BCL3: variants seen among roughly 807,000 people sequenced by gnomAD.
The protein encoded by BCL3 is B-cell lymphoma 3 protein.
Under a neutral mutation model 35.7 loss-of-function variants are expected in BCL3, and 15 were observed. That is an observed-to-expected ratio of 0.42 (90% CI 0.28 to 0.65). BCL3 has a LOEUF of 0.65. Ranked by LOEUF, BCL3 falls within the 30% of genes least tolerant of loss-of-function variation. The pLI, the probability that BCL3 is intolerant of heterozygous loss-of-function variation, is 0.22. For synonymous variants in BCL3, 311 were observed against 284.3 expected, an observed-to-expected ratio of 1.09 and a Z score of -0.95; for missense variants, 565 against 641.7, an observed-to-expected ratio of 0.88 and a Z score of 1.29.
intron 1 of BCL3, among the ~76,000 whole-genome samples, chr19:44,750,998 G>A (rs950919901): frequency 6.6e-5 from 10 of 152,128 alleles, no homozygotes; most frequent in Non-Finnish European, 1.3e-4. Context: ...CAGAAGATAA[G>A]TGACAATGAG....
chr19:44,758,182 A>G, intron 6 of BCL3, 64 bp from the exon 7 acceptor site: 1 of 1,396,868 alleles, frequency 7.2e-7, no homozygotes, highest in Non-Finnish European at 9.2e-7. Context: ...CCGGGCCTCC[A>G]GCCTCTGTTC....
intron 8 of BCL3, among the ~76,000 whole-genome samples, 194 bp downstream of exon 8, chr19:44,759,035 CCTT>C (rs1354667865): frequency 4.5e-5 from 5 of 110,636 alleles, no homozygotes; most frequent in Non-Finnish European, 8.8e-5. Context: ...AGCCCCTCCT[CCTT>C]CAGACCCCCC....
intron 3 of BCL3, 79 bp downstream of exon 3, chr19:44,756,419 C>A: frequency 1.0e-6 from 1 of 961,614 alleles, no homozygotes. Flanking sequence ...GCCTGAACTC[C>A]TGGGTCTGAG....
rs546909663 is a variant in BCL3, at chr19:44,757,177, G to A, written c.680G>A (p.Ser227Asn). 279 of 1,575,650 alleles carry A rather than the reference G, an allele frequency of 1.8e-4. 1 individual carries two copies. The highest frequency in any genetic ancestry group is 1.6e-3 in the Admixed American group (88 of 54,828). The change falls in exon 4 of 9, where the codon AGC (serine) becomes AAC (asparagine). Residue 227 changes from serine (S) to asparagine (N), a missense_variant. Ser to Asn is a conservative substitution (Grantham distance 46, BLOSUM62 1). Transcript: ENST00000164227. This position sits in a 1 kb window ranked among gnomAD's most constrained non-coding sequence, Gnocchi z 8.4. ...ACCTGCCTGCGAGCCCTGCTGGACAGCGCAGCTCCGGGCACGTTGGACCTG... is the reference window on the plus strand; with the variant it reads ...ACCTGCCTGCGAGCCCTGCTGGACAACGCAGCTCCGGGCACGTTGGACCTG... ...SPTCLRALLDSAAPGTLDLEA... is the reference protein window; with the variant it reads ...SPTCLRALLDNAAPGTLDLEA...
intron 1 of BCL3, among the ~76,000 whole-genome samples, chr19:44,750,368 G>A (rs2086050): frequency 0.054 from 8,139 of 151,944 alleles, 598 homozygotes; most frequent in African/African-American, 0.17. Context: ...GCGTGATCTC[G>A]GCTCACTGCA....
At chr19:44,758,220 C>G (rs2306147) in intron 6 of BCL3, 26 bp from the exon 7 acceptor site, 4 of 1,464,088 alleles carry the variant, frequency 2.7e-6, no homozygotes, top group Non-Finnish European at 8.9e-7. Flanking sequence ...CGCGCGCCCT[C>G]CTGACCCGGC....
intron 2 of BCL3, among the ~76,000 whole-genome samples, chr19:44,754,598 A>G (rs1479587194): frequency 6.6e-6 from 1 of 150,534 alleles, no homozygotes; most frequent in African/African-American, 2.5e-5. Context: ...ATGGGAACTC[A>G]GGCCTGGACG....
chr19:44,747,770 C>G (rs1431033209), upstream of BCL3: 1 of 1,058,278 alleles, frequency 9.4e-7, no homozygotes, highest in Non-Finnish European at 1.2e-6. Flanking sequence ...GTCCGTGTCT[C>G]TTGCTATCTC....
chr19:44,749,149 G>A (rs1967127410), intron 1 of BCL3, 103 bp downstream of exon 1: 1 of 470,136 alleles, frequency 2.1e-6, no homozygotes, highest in South Asian at 8.5e-5. Flanking sequence ...GTCTCTCCAG[G>A]GACCTGGGGG....
intron 3 of BCL3, 74 bp from the exon 4 acceptor site, chr19:44,756,943 G>A (rs1352030789): frequency 7.2e-7 from 1 of 1,385,850 alleles, no homozygotes; most frequent in Non-Finnish European, 9.9e-7. Context: ...AGGAATAAGG[G>A]TTCAGAAAAC....
At chr19:44,752,177 A>ATTTTCTTT (rs1207695963) in intron 2 of BCL3, among the ~76,000 whole-genome samples, 1 of 150,332 alleles carries the variant, frequency 6.7e-6, no homozygotes, top group African/African-American at 2.5e-5. Context: ...CTACTGTGAC[A>ATTTTCTTT]TTTTCTTTTT....
intron 2 of BCL3, among the ~76,000 whole-genome samples, chr19:44,753,393 C>T (rs1307229128): frequency 1.3e-5 from 2 of 152,190 alleles, no homozygotes; most frequent in African/African-American, 4.8e-5. Flanking sequence ...CTCCCCACAC[C>T]CTCCCTCTCC....
chr19:44,748,373 C>T (rs979319651), upstream of BCL3, among the ~76,000 whole-genome samples: 1 of 152,028 alleles, frequency 6.6e-6, no homozygotes, highest in Admixed American at 6.5e-5. Flanking sequence ...GAGATAGGGC[C>T]AGAAAGACAA....
intron 3 of BCL3, among the ~76,000 whole-genome samples, 164 bp downstream of exon 3, chr19:44,756,504 G>A (rs1460146231): frequency 1.3e-5 from 2 of 150,004 alleles, no homozygotes; most frequent in South Asian, 2.1e-4. Context: ...GTCTGATGGA[G>A]GAGGGCTGCG....
chr19:44,750,716 G>A (rs990552653), intron 1 of BCL3, among the ~76,000 whole-genome samples: 1 of 152,136 alleles, frequency 6.6e-6, no homozygotes, highest in Non-Finnish European at 1.5e-5. Context: ...CTGGGAGGCA[G>A]AGGTTGCAGT....
At chr19:44,756,059 G>A (rs1967273317) in intron 2 of BCL3, 173 bp from the exon 3 acceptor site, 2 of 420,636 alleles carry the variant, frequency 4.8e-6, no homozygotes, top group African/African-American at 2.1e-5. Context: ...GCTAAAGCAG[G>A]ATGGAGGGAG....
chr19:44,757,011 C>A lies in BCL3; in HGVS notation c.520-6C>A. 1 of 1,596,606 alleles carries A rather than the reference C, an allele frequency of 6.3e-7. No individual in the cohort carries two copies. Among genetic ancestry groups the A allele is most frequent in the East Asian group, 2.3e-5 (1 of 43,890 alleles). On this transcript the variant is annotated splice_polypyrimidine_tract_variant and splice_region_variant and intron_variant, in intron 3 of 8. Coordinates refer to ENST00000164227, the MANE Select transcript of BCL3 (RefSeq NM_005178.5). This position sits in a 1 kb window ranked among gnomAD's most constrained non-coding sequence, Gnocchi z 8.4. ...ACACAGGTCCCTCACAGTCACTGTT[C>A]CCCAGACACCGCTCCACCTGGCTGT...
Position 44,757,494 on chromosome 19 carries a change from GC to G in BCL3, c.813+80del. On this transcript the variant is annotated intron_variant, in intron 5 of 8. Transcript: ENST00000164227. This position sits in a 1 kb window ranked among gnomAD's most constrained non-coding sequence, Gnocchi z 8.4. The stretch of plus-strand genomic sequence containing the variant: ...TTGGCGGGGGCGGGGCCAGTGTGGG[GC>G]TGGCGTGGGAGAGCACCCGGGTGGG... 1 of 1,486,402 alleles carries G rather than the reference GC, an allele frequency of 6.7e-7. No homozygotes were observed. Among genetic ancestry groups the G allele is most frequent in the South Asian group, 1.2e-5 (1 of 81,880 alleles). 92.1% of individuals were successfully genotyped at this position (1,486,402 alleles called of 1,614,324 possible). A position where few individuals can be genotyped will look rare whatever the true frequency, so the allele number is the denominator to read the frequency against.
chr19:44,758,587 C>T, intron 7 of BCL3, 137 bp from the exon 8 acceptor site: 1 of 1,260,058 alleles, frequency 7.9e-7, no homozygotes, highest in Middle Eastern at 1.9e-4. Flanking sequence ...AGACTGGCAC[C>T]AAGAAAAAAA....
Sources: allele counts gnomAD v4.1 joint callset (sites outside exome capture counted in the v4.1 genomes callset), GRCh38; gene constraint gnomAD v4.1.1; non-coding constraint Gnocchi (gnomAD v3.1); transcripts MANE v1.5; gene names NCBI Gene and HGNC (gene_info 2026-07-23, HGNC 2026-07-21).